The following GFRA2 variants were observed in gnomAD, a reference collection of about 807,000 sequenced individuals.
GFRA2 encodes GDNF family receptor alpha-2.
Under a neutral mutation model 48.3 loss-of-function variants are expected in GFRA2, and 17 were observed. That is an observed-to-expected ratio of 0.35 (90% CI 0.24 to 0.53). The LOEUF is 0.53. GFRA2 is among the 20% of genes least tolerant of loss of function. The pLI, the probability that GFRA2 is intolerant of heterozygous loss-of-function variation, is 0.93. For synonymous variants in GFRA2, 305 were observed against 257.2 expected, an observed-to-expected ratio of 1.19 and a Z score of -1.78; for missense variants, 660 against 637.3, an observed-to-expected ratio of 1.04 and a Z score of -0.38.
rs1452911246 is a variant in GFRA2, at chr8:21,788,781, T to G, written c.-622A>C. Reference sequence around the variant, plus strand: ...TCACTTTTTTCTAATGGAATTCCAGTGACCGTGTGTCTCTGCGTGCGTGTG... The same window carrying G: ...TCACTTTTTTCTAATGGAATTCCAGGGACCGTGTGTCTCTGCGTGCGTGTG... On this transcript the variant is annotated 5_prime_UTR_variant, in exon 1 of 9. Transcript: ENST00000524240. 1 of 985,334 alleles carries G rather than the reference T, an allele frequency of 1.0e-6. No individual in the cohort carries two copies. Among genetic ancestry groups the G allele is most frequent in the Admixed American group, 6.1e-5 (1 of 16,266 alleles). 61.0% of individuals were successfully genotyped at this position (985,334 alleles called of 1,614,324 possible).
At position 21,693,063 on chromosome 8, in the gene GFRA2, C is replaced by T. The variant is rs1386647756; in HGVS notation, c.*215G>A. On this transcript the variant is annotated 3_prime_UTR_variant, in exon 9 of 9. Coordinates refer to ENST00000524240, the MANE Select transcript of GFRA2 (RefSeq NM_001495.5). ...CAGAGTTTCCCCTGCCAGGGGACCC[C>T]TGGGCCAGCTCTCAGGCTGCCTGCC... 1.3e-5 allele frequency: 5 copies of T among 396,290 alleles called. No homozygotes were observed. The highest frequency in any genetic ancestry group is 1.8e-5 in the Non-Finnish European group (4 of 223,040). 24.5% of individuals were successfully genotyped at this position (396,290 alleles called of 1,614,324 possible). A position where few individuals can be genotyped will look rare whatever the true frequency, so the allele number is the denominator to read the frequency against.
At chr8:21,733,837 G>A (rs1359623456) in intron 4 of GFRA2, among the ~76,000 whole-genome samples, 1 of 152,190 alleles carries the variant, frequency 6.6e-6, no homozygotes, top group Non-Finnish European at 1.5e-5. Context: ...CGAGATGATT[G>A]TCTGGCAGAG....
chr8:21,792,957 C>CCTGTAG (rs1807602526), upstream of GFRA2, among the ~76,000 whole-genome samples: 1 of 152,166 alleles, frequency 6.6e-6, no homozygotes, highest in South Asian at 2.1e-4. Context: ...GTCCCAGCTA[C>CCTGTAG]TCGAGTGCCT....
At chr8:21,756,002 A>C (rs949488374) in intron 3 of GFRA2, among the ~76,000 whole-genome samples, 4 of 152,190 alleles carry the variant, frequency 2.6e-5, no homozygotes, top group Non-Finnish European at 4.4e-5. Context: ...CACCTGTCAG[A>C]GGCTGGCTGG....
intron 4 of GFRA2, among the ~76,000 whole-genome samples, chr8:21,747,756 C>CCACACACACA (rs61578379): frequency 2.9e-4 from 41 of 139,154 alleles, no homozygotes; most frequent in African/African-American, 5.7e-4. Flanking sequence ...CCATCTTCCA[C>CCACACACACA]CACACACACA....
chr8:21,788,859 C>G lies in GFRA2; in HGVS notation c.-700G>C. On this transcript the variant is annotated 5_prime_UTR_variant, in exon 1 of 9. Coordinates refer to ENST00000524240, the MANE Select transcript of GFRA2 (RefSeq NM_001495.5). ...CTCTCCCTCGCTCGCTCTTTGCTCT[C>G]GCTCTCTCCAGCTCTCCCTCGCTCT... 1 of 933,440 alleles carries G rather than the reference C, an allele frequency of 1.1e-6. No individual in the cohort carries two copies. Among genetic ancestry groups the G allele is most frequent in the Non-Finnish European group, 1.3e-6 (1 of 782,580 alleles). 57.8% of individuals were successfully genotyped at this position (933,440 alleles called of 1,614,324 possible). A position where few individuals can be genotyped will look rare whatever the true frequency, so the allele number is the denominator to read the frequency against.
intron 2 of GFRA2, among the ~76,000 whole-genome samples, chr8:21,803,149 G>T (rs955855583): frequency 6.6e-6 from 1 of 152,152 alleles, no homozygotes; most frequent in Admixed American, 6.5e-5. Context: ...GCTCCACACG[G>T]TCACTCAGGG....
rs1184577383 is a variant in GFRA2, at chr8:21,788,515, C to A, written c.-356G>T. 1.7e-5 allele frequency: 18 copies of A among 1,049,188 alleles called. No homozygotes were observed. Among genetic ancestry groups the A allele is most frequent in the Non-Finnish European group, 1.9e-5 (17 of 872,628 alleles). 65.0% of individuals were successfully genotyped at this position (1,049,188 alleles called of 1,614,324 possible). A position where few individuals can be genotyped will look rare whatever the true frequency, so the allele number is the denominator to read the frequency against. On this transcript the variant is annotated 5_prime_UTR_variant, in exon 1 of 9. Coordinates refer to ENST00000524240, the MANE Select transcript of GFRA2 (RefSeq NM_001495.5). Reference sequence around the variant, plus strand: ...AGTCCCCGCGGGTCCAATTCCCCTGCGCTTCCCAGGAGGGGCCTGGGGAGG... The same window carrying A: ...AGTCCCCGCGGGTCCAATTCCCCTGAGCTTCCCAGGAGGGGCCTGGGGAGG...
At chr8:21,801,188 C>A (rs1807763303) in intron 2 of GFRA2, among the ~76,000 whole-genome samples, 2 of 152,100 alleles carry the variant, frequency 1.3e-5, no homozygotes, top group South Asian at 4.2e-4. Flanking sequence ...ACTGTCCACA[C>A]CTGATGCTCC....
chr8:21,692,235 G>C lies in GFRA2; in HGVS notation c.*1043C>G, dbSNP rs550582258. The C allele has an allele frequency of 1.4e-4, 22 of 152,298 alleles. No homozygotes were observed. Among genetic ancestry groups the C allele is most frequent in the Non-Finnish European group, 3.1e-4 (21 of 68,002 alleles). 9.4% of individuals were successfully genotyped at this position (152,298 alleles called of 1,614,324 possible). ...TCCATAGTTTTGTTGCTTAAAAAAA[G>C]GAAAGAAAGGGGAAACCACACAATA... On this transcript the variant is annotated 3_prime_UTR_variant, in exon 9 of 9. Transcript: ENST00000524240.
chr8:21,729,331 A>G (rs1434111058), intron 4 of GFRA2, among the ~76,000 whole-genome samples: 2 of 152,120 alleles, frequency 1.3e-5, no homozygotes, highest in South Asian at 2.1e-4. Flanking sequence ...CCCTGTCTCT[A>G]TATAAATTTT....
intron 4 of GFRA2, among the ~76,000 whole-genome samples, chr8:21,711,474 G>C (rs932537853): frequency 1.3e-5 from 2 of 152,150 alleles, no homozygotes; most frequent in African/African-American, 4.8e-5. Flanking sequence ...CTCTCTGGGC[G>C]TGTTTCCTTG....
intron 1 of GFRA2, among the ~76,000 whole-genome samples, chr8:21,808,028 G>A (rs986258671): frequency 2.6e-5 from 4 of 152,216 alleles, no homozygotes; most frequent in Non-Finnish European, 2.9e-5. Flanking sequence ...GAGGTAGTGT[G>A]TGTCAGGGCT....
intron 2 of GFRA2, among the ~76,000 whole-genome samples, chr8:21,798,743 G>C (rs1305526593): frequency 1.3e-5 from 2 of 152,290 alleles, no homozygotes; most frequent in South Asian, 4.2e-4. Context: ...GTTTCAGGAT[G>C]AGTACCCCCT....
chr8:21,768,466 A>G (rs1806284958), intron 3 of GFRA2, among the ~76,000 whole-genome samples: 1 of 152,054 alleles, frequency 6.6e-6, no homozygotes, highest in Admixed American at 6.6e-5. Flanking sequence ...GGTCCCTGAG[A>G]GGCACCAGCC....
intron 1 of GFRA2, among the ~76,000 whole-genome samples, chr8:21,807,512 T>C (rs1425080472): frequency 6.6e-6 from 1 of 152,186 alleles, no homozygotes; most frequent in Non-Finnish European, 1.5e-5. Context: ...TACTGTAAAC[T>C]GGGTAGCTTA....
At chr8:21,784,629 G>A (rs926016599) in intron 1 of GFRA2, among the ~76,000 whole-genome samples, 1 of 152,158 alleles carries the variant, frequency 6.6e-6, no homozygotes, top group African/African-American at 2.4e-5. Context: ...CCATCCCTAG[G>A]GGACAACAGA....
chr8:21,712,567 C>T lies in GFRA2; in HGVS notation c.795-6526G>A, dbSNP rs1452646550. Among the ~76,000 whole-genome samples, 200 of 151,516 alleles carry T rather than the reference C, an allele frequency of 1.3e-3. 1 individual carries two copies. The highest frequency in any genetic ancestry group is 4.6e-3 in the African/African-American group (189 of 41,006). On this transcript the variant is annotated intron_variant, in intron 4 of 8. Transcript: ENST00000524240. The stretch of plus-strand genomic sequence containing the variant: ...GGCTCCTCACATCCCAGACGATGGG[C>T]GGCCAGGCAGAGACGCTCCTCACTT...
chr8:21,718,572 C>T (rs186172879), intron 4 of GFRA2, among the ~76,000 whole-genome samples: 20 of 152,302 alleles, frequency 1.3e-4, no homozygotes, highest in African/African-American at 4.8e-4. Context: ...GAGGCTCCAC[C>T]ACCCAATCCT....
Sources: gnomAD v4.1 joint callset for allele counts (sites outside exome capture counted in the v4.1 genomes callset) on GRCh38, gnomAD v4.1.1 for gene constraint, MANE v1.5 for transcripts, NCBI Gene and HGNC (gene_info 2026-07-23, HGNC 2026-07-21) for gene names.